The following LINGO2 variants were observed in gnomAD, a reference collection of about 807,000 sequenced individuals.
LINGO2 encodes leucine-rich repeat and immunoglobulin-like domain-containing nogo receptor-interacting protein 2.
LINGO2 carries 14 observed loss-of-function variants against 30.6 expected under a neutral mutation model. The ratio of observed to expected loss-of-function variants is 0.46; its 90% CI spans 0.30 to 0.72. LINGO2 has a LOEUF of 0.72. Ranked by LOEUF, LINGO2 falls within the 30% of genes least tolerant of loss-of-function variation. LINGO2 has a pLI of 0.07. For missense variants in LINGO2, 729 were observed against 751.7 expected, an observed-to-expected ratio of 0.97 and a Z score of 0.35; for synonymous variants, 317 against 288.5, an observed-to-expected ratio of 1.10 and a Z score of -1.00.
the LINGO2 span, among the ~76,000 whole-genome samples, chr9:28,729,501 T>C: frequency 6.6e-6 from 1 of 151,956 alleles, no homozygotes; most frequent in Non-Finnish European, 1.5e-5. Context: ...AATACATCAT[T>C]AAATATTGGC....
chr9:28,479,554 T>C (rs75064046), intron 1 of LINGO2, among the ~76,000 whole-genome samples: 24,285 of 151,790 alleles, frequency 0.16, 2,458 homozygotes, highest in Non-Finnish European at 0.21. Flanking sequence ...GCATAGGTTT[T>C]AATCAATTTT....
At chr9:29,008,936 A>C in the LINGO2 span, among the ~76,000 whole-genome samples, 1 of 152,200 alleles carries the variant, frequency 6.6e-6, no homozygotes, top group South Asian at 2.1e-4. Context: ...CAAAAACCAC[A>C]TGATTATCTC....
intron 4 of LINGO2, among the ~76,000 whole-genome samples, chr9:28,204,668 A>G (rs1229088991): frequency 1.3e-5 from 2 of 152,052 alleles, no homozygotes; most frequent in Non-Finnish European, 2.9e-5. Flanking sequence ...TGGATTAGTT[A>G]CTTACTTAAA....
At chr9:27,993,254 A>G (rs942799508) in intron 5 of LINGO2, among the ~76,000 whole-genome samples, 2 of 152,096 alleles carry the variant, frequency 1.3e-5, no homozygotes, top group Admixed American at 6.6e-5. Context: ...AAGTTAAGAA[A>G]TAGCTTTTCT....
the LINGO2 span, among the ~76,000 whole-genome samples, chr9:28,990,537 C>G: frequency 3.3e-5 from 5 of 152,318 alleles, no homozygotes; most frequent in African/African-American, 1.2e-4. Flanking sequence ...GACCTGAGAA[C>G]AGGCAGACTG....
At chr9:28,090,607 C>T (rs139706641) in intron 4 of LINGO2, among the ~76,000 whole-genome samples, 8,333 of 152,178 alleles carry the variant, frequency 0.055, 279 homozygotes, top group Non-Finnish European at 0.081. Flanking sequence ...CAGTCAATAT[C>T]ATACTTAATG....
chr9:28,145,751 T>C (rs1587078175), intron 4 of LINGO2, among the ~76,000 whole-genome samples: 1 of 152,204 alleles, frequency 6.6e-6, no homozygotes, highest in East Asian at 1.9e-4. Context: ...ACCCATTCTT[T>C]ACACAGTTTT....
chr9:28,771,506 T>TGTGTGAGA, the LINGO2 span, among the ~76,000 whole-genome samples: 44 of 95,138 alleles, frequency 4.6e-4, no homozygotes, highest in African/African-American at 1.4e-3. Flanking sequence ...TGTGTGTGTG[T>TGTGTGAGA]GAGAGAGAGA....
intron 1 of LINGO2, among the ~76,000 whole-genome samples, chr9:28,487,795 A>C (rs151197038): frequency 6.6e-6 from 1 of 152,180 alleles, no homozygotes; most frequent in African/African-American, 2.4e-5. Flanking sequence ...TGCAGCCATT[A>C]ACCGAAACTC....
chr9:28,828,668 G>T, the LINGO2 span, among the ~76,000 whole-genome samples: 7 of 151,974 alleles, frequency 4.6e-5, no homozygotes, highest in Non-Finnish European at 8.8e-5. Flanking sequence ...ACTTGTGACT[G>T]ACTAAGGTTA....
At chr9:28,510,923 A>G (rs1820358137) in intron 1 of LINGO2, among the ~76,000 whole-genome samples, 1 of 152,140 alleles carries the variant, frequency 6.6e-6, no homozygotes, top group Non-Finnish European at 1.5e-5. Flanking sequence ...GTTCGAAGGC[A>G]GGAAGCATCG....
the LINGO2 span, among the ~76,000 whole-genome samples, chr9:28,969,336 G>A: frequency 6.6e-6 from 1 of 152,128 alleles, no homozygotes; most frequent in Non-Finnish European, 1.5e-5. Context: ...CCAAGCAAGA[G>A]TAACAGCAAG....
the LINGO2 span, among the ~76,000 whole-genome samples, chr9:29,034,802 T>C: frequency 2.6e-5 from 4 of 152,202 alleles, no homozygotes; most frequent in Non-Finnish European, 5.9e-5. Flanking sequence ...GGTAAGTCCT[T>C]CACCCTTCGT....
chr9:28,903,877 G>T, the LINGO2 span, among the ~76,000 whole-genome samples: 1 of 151,188 alleles, frequency 6.6e-6, no homozygotes, highest in Non-Finnish European at 1.5e-5. Context: ...AATGGGGCCT[G>T]CATTTGCCTG....
chr9:28,628,964 A>C (rs1029332068), intron 1 of LINGO2, among the ~76,000 whole-genome samples: 1 of 152,116 alleles, frequency 6.6e-6, no homozygotes, highest in Non-Finnish European at 1.5e-5. Flanking sequence ...CATTCGTAAA[A>C]GCATAGGTCC....
chr9:29,007,127 T>A, the LINGO2 span, among the ~76,000 whole-genome samples: 2 of 152,110 alleles, frequency 1.3e-5, no homozygotes, highest in Admixed American at 1.3e-4. Context: ...CTTTATTATT[T>A]TAAAATACTT....
At chr9:28,690,781 C>T in the LINGO2 span, among the ~76,000 whole-genome samples, 1 of 152,148 alleles carries the variant, frequency 6.6e-6, no homozygotes, top group Non-Finnish European at 1.5e-5. Context: ...TCTTTCAGAT[C>T]CCTCACAATC....
chr9:28,678,423 C>T, the LINGO2 span, among the ~76,000 whole-genome samples: 2 of 152,068 alleles, frequency 1.3e-5, no homozygotes, highest in Non-Finnish European at 2.9e-5. Context: ...AATGGCAGTG[C>T]TTTTTGATAT....
chr9:29,005,667 C>T, the LINGO2 span, among the ~76,000 whole-genome samples: 1 of 151,994 alleles, frequency 6.6e-6, no homozygotes, highest in Admixed American at 6.6e-5. Flanking sequence ...TTCATGCATA[C>T]TCAAATCTTG....
Sources: allele counts gnomAD v4.1 joint callset (sites outside exome capture counted in the v4.1 genomes callset), GRCh38; gene constraint gnomAD v4.1.1; transcripts MANE v1.5; gene names NCBI Gene and HGNC (gene_info 2026-07-23, HGNC 2026-07-21).